Variants in ANAPC2 observed in about 807,000 individuals in gnomAD.
ANAPC2 encodes anaphase-promoting complex subunit 2.
In ANAPC2, 29 loss-of-function variants were observed where a neutral mutation model predicts 84.3. The observed-to-expected ratio is 0.34, with a 90% CI of 0.26 to 0.47. The LOEUF (loss-of-function observed/expected upper bound fraction) is 0.47, where lower values mean the gene tolerates loss of function less well. Ranked by LOEUF, ANAPC2 falls within the 20% of genes least tolerant of loss-of-function variation. The probability of loss-of-function intolerance (pLI) is 1.00; values close to 1 mark genes in which losing one functional copy is unlikely to be tolerated. For synonymous variants in ANAPC2, 571 were observed against 479.4 expected, an observed-to-expected ratio of 1.19 and a Z score of -2.50; for missense variants, 857 against 1,131.7, an observed-to-expected ratio of 0.76 and a Z score of 3.48.
At chr9:137,184,851 G>A in intron 4 of ANAPC2, 62 bp downstream of exon 4, 1 of 1,580,958 alleles carries the variant, frequency 6.3e-7, no homozygotes, top group Non-Finnish European at 8.6e-7. Context: ...AGGAGACACG[G>A]GGAAGGCCCT....
intron 2 of ANAPC2, 41 bp from the exon 3 acceptor site, chr9:137,186,397 C>A: frequency 6.4e-7 from 1 of 1,555,444 alleles, no homozygotes. Context: ...AGAGCACACA[C>A]CGGCCCCTCT....
intron 4 of ANAPC2, 119 bp downstream of exon 4, chr9:137,184,794 A>G (rs548493041): frequency 1.3e-5 from 17 of 1,317,398 alleles, no homozygotes; most frequent in Admixed American, 5.4e-5. Flanking sequence ...AGACGCAGAC[A>G]CAGAGCAGAC....
intron 7 of ANAPC2, 136 bp from the exon 8 acceptor site, chr9:137,181,065 C>T: frequency 8.6e-7 from 1 of 1,162,932 alleles, no homozygotes; most frequent in Non-Finnish European, 1.2e-6. Context: ...GGGAGCAGCC[C>T]TGAGCCTCCC....
rs1399985357 is a variant in ANAPC2 at position 137,181,632 on chromosome 9, C to A, written c.1468+49G>T. On this transcript the variant is annotated intron_variant, in intron 7 of 12. Transcript: ENST00000323927. ...GATGAGTCCAGAGCGGACGGCCTGG[C>A]TGAAGCGCCCCCCACACTGGTGAAA... 3.3e-6 allele frequency: 5 copies of A among 1,517,884 alleles called. No individual in the cohort carries two copies. The East Asian group carries it at 9.4e-5, about 29-fold the overall frequency. 94.0% of individuals were successfully genotyped at this position (1,517,884 alleles called of 1,614,324 possible). A position where few individuals can be genotyped will look rare whatever the true frequency, so the allele number is the denominator to read the frequency against.
At chr9:137,182,192 G>C (rs376394918) in intron 6 of ANAPC2, among the ~76,000 whole-genome samples, 1 of 151,868 alleles carries the variant, frequency 6.6e-6, no homozygotes, top group African/African-American at 2.4e-5. Flanking sequence ...AACAGAGCGA[G>C]AGCCTGCCTC....
chr9:137,186,444 G>A, intron 2 of ANAPC2, 88 bp from the exon 3 acceptor site: 1 of 1,486,438 alleles, frequency 6.7e-7, no homozygotes, highest in Non-Finnish European at 9.0e-7. Context: ...TGCCCTGCCT[G>A]TAGAGTGCAT....
At chr9:137,184,441 C>T (rs1834413933) in intron 4 of ANAPC2, among the ~76,000 whole-genome samples, 1 of 139,970 alleles carries the variant, frequency 7.1e-6, no homozygotes, top group South Asian at 2.3e-4. Context: ...AGAGCAGACA[C>T]GGTGAAGGCA....
chr9:137,180,106 C>T, intron 10 of ANAPC2, 75 bp downstream of exon 10: 1 of 1,493,092 alleles, frequency 6.7e-7, no homozygotes, highest in Non-Finnish European at 9.1e-7. Flanking sequence ...CAGCCACAGG[C>T]ACCAGGCTGC....
chr9:137,180,251 T>C lies in ANAPC2; in HGVS notation c.1820A>G (p.Glu607Gly). ...SSEFWPPFKDEKLEVPEDIRA... is the reference protein window; with the variant it reads ...SSEFWPPFKDGKLEVPEDIRA... ...GATATCCTCGGGGACCTCCAGCTTC[T>C]CGTCCTTGAAGGGCGGCCAGAACTC... Residue 607 changes from glutamate to glycine, a missense_variant, in exon 10 of 13, where the codon GAG becomes GGG. Around this residue, in one of 3 missense-constraint regions of ANAPC2, gnomAD observed 425 missense variants for 595.5 expected, o/e 0.71. Transcript: ENST00000323927. The C allele has an allele frequency of 6.2e-7, 1 of 1,613,814 alleles. No individual in the cohort carries two copies. Among genetic ancestry groups the C allele is most frequent in the Non-Finnish European group, 8.5e-7 (1 of 1,180,022 alleles).
At chr9:137,179,371 TGAC>T (rs1264165929) in intron 10 of ANAPC2, among the ~76,000 whole-genome samples, 4 of 151,954 alleles carry the variant, frequency 2.6e-5, no homozygotes, top group Non-Finnish European at 5.9e-5. Flanking sequence ...CTCCCACCTG[TGAC>T]GACCATCCTA....
rs190726390 is a variant in ANAPC2, at chr9:137,183,118, C to T, written c.1286+7G>A. ...CCAGTGGCTCCTGGGCCAGCTGCAG[C>T]CCTCACCTCAGGTAGCGGCGGATAG... On this transcript the variant is annotated splice_region_variant and intron_variant, in intron 6 of 12. Transcript: ENST00000323927. 3.1e-6 allele frequency: 5 copies of T among 1,609,138 alleles called. No homozygotes were observed. Among genetic ancestry groups the T allele is most frequent in the Non-Finnish European group, 4.2e-6 (5 of 1,176,626 alleles).
intron 2 of ANAPC2, 195 bp downstream of exon 2, chr9:137,187,286 G>A (rs1258676858): frequency 1.4e-6 from 1 of 696,722 alleles, no homozygotes. Flanking sequence ...ATGAATCTGT[G>A]GGACTGAAGG....
rs1181378850 is a variant in ANAPC2 at position 137,186,685 on chromosome 9, C to G, written c.741-329G>C. 1.2e-5 allele frequency: 4 copies of G among 346,496 alleles called. No individual in the cohort carries two copies. In the East Asian group the frequency reaches 1.9e-4, roughly 16 times the overall value. 21.5% of individuals were successfully genotyped at this position (346,496 alleles called of 1,614,324 possible). ...CTAGCCTTATCTCCTAGGATCAACT[C>G]TGAAACGACAACCAACTGCACTGCT... On this transcript the variant is annotated intron_variant, in intron 2 of 12. Transcript: ENST00000323927.
chr9:137,179,388 C>T (rs922386816), intron 10 of ANAPC2, among the ~76,000 whole-genome samples: 3 of 152,138 alleles, frequency 2.0e-5, no homozygotes, highest in Non-Finnish European at 4.4e-5. Context: ...CATCCTAACC[C>T]TTCCTCCCCG....
Position 137,188,007 on chromosome 9 carries a change from C to T in ANAPC2, c.214G>A (p.Glu72Lys). 1 of 1,613,892 alleles carries T rather than the reference C, an allele frequency of 6.2e-7. No homozygotes were observed. The highest frequency in any genetic ancestry group is 8.5e-7 in the Non-Finnish European group (1 of 1,180,044). The part of the protein sequence containing the change: ...LRGHGLHSVL[E>K]EWFVEVLQND... The stretch of plus-strand genomic sequence containing the variant: ...TGCAGCACCTCCACGAACCACTCCT[C>T]CAGGACCGAGTGTAGCCCGTGGCCC... Residue 72 changes from glutamate to lysine, a missense_variant, in exon 2 of 13, where the codon GAG (glutamate) becomes AAG (lysine). Transcript: ENST00000323927.
chr9:137,188,501 T>C lies in ANAPC2; in HGVS notation c.32A>G (p.Asp11Gly). 6.2e-7 allele frequency: 1 copy of C among 1,608,164 alleles called. No homozygotes were observed. The change falls in exon 1 of 13, where the codon GAC (aspartate) becomes GGC (glycine). Residue 11 changes from aspartate (D) to glycine (G), a missense_variant. Transcript: ENST00000323927. ...CTCCTGTCCGGGCCGGGAGTCGCTG[T>C]CCCCCTCCGCCACCACAACTGCCGC... MAAAVVVAEG[D>G]SDSRPGQELL...
rs751428034 is a variant in ANAPC2 at position 137,175,739 on chromosome 9, C to T, written c.1989G>A (p.Gln663=). ...RTLSVAVTPV[Q]AVILLYFQDQ... ...CCTGAAAATACAGCAAGATCACCGC[C>T]TGTACTGGGGTGACCGCCACAGACA... The change falls in exon 11 of 13, where the codon CAG becomes CAA. Residue 663 remains glutamine, a synonymous_variant. Coordinates refer to ENST00000323927, the MANE Select transcript of ANAPC2 (RefSeq NM_013366.4). 6.2e-7 allele frequency: 1 copy of T among 1,612,230 alleles called. No homozygotes were observed. Among genetic ancestry groups the T allele is most frequent in the South Asian group, 1.1e-5 (1 of 90,956 alleles).
In ANAPC2 at chr9:137,187,614, G is replaced by A; in HGVS notation, c.607C>T (p.Leu203=). 1 of 1,614,028 alleles carries A rather than the reference G, an allele frequency of 6.2e-7. No homozygotes were observed. Among genetic ancestry groups the A allele is most frequent in the Middle Eastern group, 1.6e-4 (1 of 6,062 alleles). Residue 203 remains leucine, a synonymous_variant, in exon 2 of 13, where the codon CTG becomes TTG. Transcript: ENST00000323927. ...GGTDPELEGE[L]DSRYARRRYY... is the part of the protein sequence containing the mutation. ...CGGCGACGGGCATACCGGCTGTCCA[G>A]CTCCCCTTCCAGTTCCGGGTCTGTG... is the stretch of plus-strand genomic sequence containing the variant.
At chr9:137,188,297 G>A (rs1588767597) in intron 1 of ANAPC2, 119 bp downstream of exon 1, 2 of 1,311,228 alleles carry the variant, frequency 1.5e-6, no homozygotes, top group East Asian at 5.0e-5. Flanking sequence ...GTGGAAAATG[G>A]CAGGACAGGA....
Sources: allele counts gnomAD v4.1 joint callset (sites outside exome capture counted in the v4.1 genomes callset), GRCh38; gene constraint gnomAD v4.1.1; regional missense constraint gnomAD v4.1.1; transcripts MANE v1.5; gene names NCBI Gene and HGNC (gene_info 2026-07-23, HGNC 2026-07-21).